The following AOAH variants were observed in gnomAD, a reference collection of about 807,000 sequenced individuals.
AOAH encodes the protein acyloxyacyl hydrolase.
Under a neutral mutation model 92.2 loss-of-function variants are expected in AOAH, and 64 were observed. That is an observed-to-expected ratio of 0.69 (90% confidence interval 0.57 to 0.86). The LOEUF (loss-of-function observed/expected upper bound fraction) is 0.86, where lower values mean the gene tolerates loss of function less well. AOAH is among the 40% of genes least tolerant of loss of function. The pLI, the probability that AOAH is intolerant of heterozygous loss-of-function variation, is 0.00. For synonymous variants in AOAH, 263 were observed against 254.5 expected, an observed-to-expected ratio of 1.03 and a Z score of -0.32; for missense variants, 656 against 694.6, an observed-to-expected ratio of 0.94 and a Z score of 0.62.
chr7:36,561,743 C>T (rs1473694236), intron 13 of AOAH, among the ~76,000 whole-genome samples: 1 of 152,090 alleles, frequency 6.6e-6, no homozygotes, highest in Non-Finnish European at 1.5e-5. Flanking sequence ...AATTAAAGGA[C>T]CAGGTCAGAG....
At chr7:36,678,706 T>C (rs902175886) in intron 2 of AOAH, among the ~76,000 whole-genome samples, 4 of 152,098 alleles carry the variant, frequency 2.6e-5, no homozygotes, top group Non-Finnish European at 5.9e-5. Flanking sequence ...GGTAGTCTTC[T>C]GTGATTGTTA....
intron 13 of AOAH, among the ~76,000 whole-genome samples, chr7:36,552,951 ATTTTCTTTTTTT>A (rs1428576269): frequency 6.8e-6 from 1 of 147,830 alleles, no homozygotes; most frequent in African/African-American, 2.5e-5. Flanking sequence ...TATGCACCAC[ATTTTCTTTTTTT>A]TTTTCTTTTT....
intron 1 of AOAH, among the ~76,000 whole-genome samples, chr7:36,713,674 T>G (rs896477776): frequency 7.9e-5 from 12 of 152,166 alleles, no homozygotes; most frequent in Admixed American, 3.9e-4. Flanking sequence ...ATTAAGAAAC[T>G]CACTCAAAAC....
In AOAH at chr7:36,686,706, G is replaced by A; in HGVS notation, c.216C>T (p.Tyr72=). The change falls in exon 2 of 21, where the codon TAC becomes TAT. Residue 72 remains tyrosine (Y), a synonymous_variant. Transcript: ENST00000617537. The part of the protein sequence containing the change: ...VQASMERLCS[Y]LPEKLFLKTT... Reference sequence around the variant, plus strand: ...GACTCGTCCCATATTTACCAGGCAGGTAGCTGCACAGTCTCTCCATCGAGG... The same window carrying A: ...GACTCGTCCCATATTTACCAGGCAGATAGCTGCACAGTCTCTCCATCGAGG... 1 of 1,530,670 alleles carries A rather than the reference G, an allele frequency of 6.5e-7. No individual in the cohort carries two copies. The highest frequency in any genetic ancestry group is 1.4e-5 in the African/African-American group (1 of 71,348). The allele number at this position is 1,530,670 out of a possible 1,614,324, so 94.8% of individuals were successfully genotyped here. A position where few individuals can be genotyped will look rare whatever the true frequency, so the allele number is the denominator to read the frequency against.
intron 11 of AOAH, among the ~76,000 whole-genome samples, chr7:36,609,376 T>C (rs1170154375): frequency 6.6e-6 from 1 of 152,186 alleles, no homozygotes; most frequent in Non-Finnish European, 1.5e-5. Context: ...TGCCCCTTTC[T>C]CAGTTTAAAA....
intron 12 of AOAH, among the ~76,000 whole-genome samples, chr7:36,588,235 G>A (rs947004734): frequency 6.6e-6 from 1 of 152,192 alleles, no homozygotes; most frequent in Admixed American, 6.5e-5. Context: ...TCACGCTAAC[G>A]TGTCAACAGT....
At chr7:36,582,611 C>T (rs980329759) in intron 12 of AOAH, among the ~76,000 whole-genome samples, 5 of 152,126 alleles carry the variant, frequency 3.3e-5, no homozygotes, top group Non-Finnish European at 7.4e-5. Context: ...TAGAACAAAA[C>T]AGAGTAATAT....
intron 1 of AOAH, among the ~76,000 whole-genome samples, chr7:36,695,282 C>A (rs1038002341): frequency 6.6e-6 from 1 of 152,082 alleles, no homozygotes; most frequent in African/African-American, 2.4e-5. Flanking sequence ...TCTGTGAAAA[C>A]CATGCATTCT....
At chr7:36,534,934 G>A (rs1295177459) in intron 16 of AOAH, among the ~76,000 whole-genome samples, 1 of 142,892 alleles carries the variant, frequency 7.0e-6, no homozygotes, top group African/African-American at 2.6e-5. Context: ...GTGTTTTTGT[G>A]TGTTTCTGTG....
At chr7:36,562,016 A>G (rs893738003) in intron 13 of AOAH, among the ~76,000 whole-genome samples, 1 of 152,120 alleles carries the variant, frequency 6.6e-6, no homozygotes, top group African/African-American at 2.4e-5. Context: ...CCAAATGTCT[A>G]TTTTTTATAG....
intron 3 of AOAH, among the ~76,000 whole-genome samples, chr7:36,668,083 G>A (rs1319867754): frequency 6.6e-6 from 1 of 152,054 alleles, no homozygotes; most frequent in Admixed American, 6.5e-5. Context: ...TACCATATTT[G>A]TTACTGTTTT....
intron 20 of AOAH, among the ~76,000 whole-genome samples, chr7:36,515,410 A>T (rs1783577250): frequency 4.4e-5 from 4 of 90,970 alleles, no homozygotes; most frequent in Non-Finnish European, 6.6e-5. Context: ...ACACACACAA[A>T]CATCACACAC....
intron 1 of AOAH, among the ~76,000 whole-genome samples, chr7:36,693,624 G>A (rs1797539948): frequency 6.6e-6 from 1 of 152,002 alleles, no homozygotes; most frequent in Non-Finnish European, 1.5e-5. Context: ...AATTTCCTGT[G>A]ATACTTCAAG....
chr7:36,530,869 T>G (rs1480788144), intron 18 of AOAH, among the ~76,000 whole-genome samples: 1 of 152,176 alleles, frequency 6.6e-6, no homozygotes, highest in Non-Finnish European at 1.5e-5. Flanking sequence ...GCAATATGGA[T>G]CAAATCCTTA....
intron 19 of AOAH, among the ~76,000 whole-genome samples, chr7:36,523,443 T>C (rs954742783): frequency 1.3e-5 from 2 of 152,180 alleles, no homozygotes; most frequent in African/African-American, 4.8e-5. Flanking sequence ...GCTCTTCTAA[T>C]AGGAAGCTCA....
intron 1 of AOAH, among the ~76,000 whole-genome samples, chr7:36,703,076 A>T (rs1049467412): frequency 2.0e-5 from 3 of 152,130 alleles, no homozygotes; most frequent in African/African-American, 7.2e-5. Context: ...GCAATTCCTC[A>T]TCCATTTAGA....
At chr7:36,677,667 A>G (rs966850980) in intron 2 of AOAH, among the ~76,000 whole-genome samples, 2 of 152,240 alleles carry the variant, frequency 1.3e-5, no homozygotes, top group Non-Finnish European at 2.9e-5. Flanking sequence ...TATTTATAGC[A>G]GCATTTTGCA....
intron 3 of AOAH, among the ~76,000 whole-genome samples, chr7:36,666,456 A>G (rs899205075): frequency 6.6e-6 from 1 of 152,132 alleles, no homozygotes; most frequent in Admixed American, 6.5e-5. Context: ...TAGGCTGGCT[A>G]GAGGCTTATC....
chr7:36,719,808 C>T (rs1366365015), intron 1 of AOAH, among the ~76,000 whole-genome samples: 1 of 152,006 alleles, frequency 6.6e-6, no homozygotes, highest in African/African-American at 2.4e-5. Context: ...TGGTGGTGTG[C>T]ACCTGTAGTC....
Sources: allele counts gnomAD v4.1 joint callset (sites outside exome capture counted in the v4.1 genomes callset), GRCh38; gene constraint gnomAD v4.1.1; transcripts MANE v1.5; gene names NCBI Gene and HGNC (gene_info 2026-07-23, HGNC 2026-07-21).